Variants in NKAIN2 observed in about 807,000 individuals in gnomAD.
NKAIN2 encodes the protein sodium/potassium-transporting ATPase subunit beta-1-interacting protein 2.
A neutral mutation model predicts 32.6 loss-of-function variants in NKAIN2; 14 were observed. The observed-to-expected ratio is 0.43, with a 90% CI of 0.28 to 0.67. NKAIN2 has a LOEUF of 0.67. Ranked by LOEUF, NKAIN2 falls within the 30% of genes least tolerant of loss-of-function variation. NKAIN2 has a pLI of 0.17. For missense variants in NKAIN2, 198 were observed against 258.3 expected (o/e 0.77, Z 1.60); for synonymous variants, 80 against 87.2 (o/e 0.92, Z 0.46).
intron 1 of NKAIN2, among the ~76,000 whole-genome samples, chr6:123,928,177 A>G (rs1170369238): frequency 6.6e-6 from 1 of 152,192 alleles, no homozygotes; most frequent in South Asian, 2.1e-4. Context: ...GCATGTTCTC[A>G]CTTACCAGTG....
At chr6:124,376,164 C>A (rs546200091) in intron 3 of NKAIN2, among the ~76,000 whole-genome samples, 1 of 152,194 alleles carries the variant, frequency 6.6e-6, no homozygotes, top group Non-Finnish European at 1.5e-5. Context: ...AAATGCACAA[C>A]TCTAAAAACC....
intron 1 of NKAIN2, among the ~76,000 whole-genome samples, chr6:124,181,681 A>G (rs1476443332): frequency 6.6e-6 from 1 of 152,170 alleles, no homozygotes; most frequent in East Asian, 1.9e-4. Flanking sequence ...CATGGGCAAA[A>G]TGTTGCCGGT....
intron 4 of NKAIN2, among the ~76,000 whole-genome samples, chr6:124,716,516 A>G (rs1277882480): frequency 2.0e-5 from 3 of 152,190 alleles, no homozygotes; most frequent in Non-Finnish European, 4.4e-5. Flanking sequence ...CACAACAATC[A>G]ACATGAGTTT....
chr6:124,269,920 T>C (rs1354065636), intron 1 of NKAIN2, among the ~76,000 whole-genome samples: 4 of 152,158 alleles, frequency 2.6e-5, no homozygotes, highest in African/African-American at 7.2e-5. Flanking sequence ...CCTTATGAAA[T>C]TGAATTTTAC....
chr6:123,990,863 T>A (rs1582893998), intron 1 of NKAIN2, among the ~76,000 whole-genome samples: 1 of 152,316 alleles, frequency 6.6e-6, no homozygotes, highest in African/African-American at 2.4e-5. Flanking sequence ...AAAGGTTGGG[T>A]CATATAGATT....
intron 1 of NKAIN2, among the ~76,000 whole-genome samples, chr6:123,911,376 A>G (rs1025888801): frequency 6.6e-6 from 1 of 152,066 alleles, no homozygotes; most frequent in Non-Finnish European, 1.5e-5. Context: ...TGGACATCAC[A>G]TGGTGAGAGA....
chr6:124,489,767 T>C (rs1032226643), intron 3 of NKAIN2, among the ~76,000 whole-genome samples: 1 of 151,876 alleles, frequency 6.6e-6, no homozygotes. Flanking sequence ...TCCACTTGTA[T>C]TGAAAATCTG....
intron 2 of NKAIN2, among the ~76,000 whole-genome samples, chr6:124,344,709 T>C (rs995859332): frequency 1.5e-4 from 23 of 152,312 alleles, no homozygotes; most frequent in Middle Eastern, 6.8e-3. Context: ...CTGAAGTTGC[T>C]TATGAGCTTA....
intron 2 of NKAIN2, among the ~76,000 whole-genome samples, chr6:124,321,098 A>G (rs1358382850): frequency 2.6e-5 from 4 of 152,158 alleles, no homozygotes; most frequent in East Asian, 1.9e-4. Context: ...CATTTCATGA[A>G]GTCAAAAATG....
At chr6:124,134,835 A>G (rs1373649543) in intron 1 of NKAIN2, among the ~76,000 whole-genome samples, 2 of 152,218 alleles carry the variant, frequency 1.3e-5, no homozygotes, top group Non-Finnish European at 2.9e-5. Context: ...ACCTAGGCAT[A>G]TAGACATCAG....
intron 3 of NKAIN2, among the ~76,000 whole-genome samples, chr6:124,647,042 A>G (rs898716540): frequency 6.6e-6 from 1 of 152,082 alleles, no homozygotes; most frequent in Non-Finnish European, 1.5e-5. Context: ...GAGTATATAT[A>G]TATGTCTTAA....
At chr6:124,135,973 T>C (rs1160863991) in intron 1 of NKAIN2, among the ~76,000 whole-genome samples, 3 of 149,668 alleles carry the variant, frequency 2.0e-5, no homozygotes, top group African/African-American at 7.4e-5. Context: ...CTCAAGGAAA[T>C]AGAGAAACAA....
In NKAIN2 at chr6:124,636,186, G is replaced by A. The variant is rs573254738; in HGVS notation, c.274-22000G>A. Among the ~76,000 whole-genome samples, 100 of 151,666 alleles carry A rather than the reference G, an allele frequency of 6.6e-4. 1 individual carries two copies. Among genetic ancestry groups the A allele is most frequent in the African/African-American group, 2.3e-3 (96 of 41,432 alleles). ...GTCCATGAAAACTGAACAACATTTT[G>A]CTGAATGACCAATGAGTCAATGAAG... is the stretch of plus-strand genomic sequence containing the variant. On this transcript the variant is annotated intron_variant, in intron 3 of 6. Coordinates refer to ENST00000368417, the MANE Select transcript of NKAIN2 (RefSeq NM_001040214.3).
At chr6:124,079,301 G>T (rs939438561) in intron 1 of NKAIN2, among the ~76,000 whole-genome samples, 48 of 152,150 alleles carry the variant, frequency 3.2e-4, no homozygotes, top group African/African-American at 9.9e-4. Flanking sequence ...CTGGGCGACA[G>T]AACGAGACTC....
chr6:124,269,998 C>CAA (rs201560703), intron 1 of NKAIN2, among the ~76,000 whole-genome samples: 337 of 152,266 alleles, frequency 2.2e-3, no homozygotes, highest in African/African-American at 7.7e-3. Context: ...TTGCTCTAGT[C>CAA]AGAGACACTG....
intron 1 of NKAIN2, among the ~76,000 whole-genome samples, chr6:123,893,907 A>G (rs192398702): frequency 3.3e-5 from 5 of 152,284 alleles, no homozygotes; most frequent in South Asian, 4.1e-4. Flanking sequence ...GCTTCTCTCT[A>G]TAGGAGGTTC....
intron 4 of NKAIN2, among the ~76,000 whole-genome samples, chr6:124,788,657 C>T (rs1779609381): frequency 6.6e-6 from 1 of 152,002 alleles, no homozygotes; most frequent in Non-Finnish European, 1.5e-5. Flanking sequence ...ATCATGAGAA[C>T]AGCATGAAGG....
intron 1 of NKAIN2, among the ~76,000 whole-genome samples, chr6:123,955,590 TTTTTA>T (rs61369548): frequency 4.7e-3 from 640 of 136,702 alleles, no homozygotes; most frequent in Middle Eastern, 0.018. Flanking sequence ...ATTTAAACAT[TTTTTA>T]TTTTATTTTA....
At chr6:123,905,161 C>T (rs1188341387) in intron 1 of NKAIN2, among the ~76,000 whole-genome samples, 1 of 152,012 alleles carries the variant, frequency 6.6e-6, no homozygotes, top group Non-Finnish European at 1.5e-5. Flanking sequence ...TTTAGCCTTC[C>T]ACAGTTTCAT....
Sources: gnomAD v4.1 joint callset for allele counts (sites outside exome capture counted in the v4.1 genomes callset) on GRCh38, gnomAD v4.1.1 for gene constraint, MANE v1.5 for transcripts, NCBI Gene and HGNC (gene_info 2026-07-23, HGNC 2026-07-21) for gene names.